The following PRICKLE2 variants were observed in gnomAD, a reference collection of about 807,000 sequenced individuals.
PRICKLE2 encodes the protein prickle-like protein 2.
A neutral mutation model predicts 81.4 loss-of-function variants in PRICKLE2; 21 were observed. The ratio of observed to expected loss-of-function variants is 0.26; its 90% confidence interval spans 0.18 to 0.37. PRICKLE2 has a LOEUF of 0.37. Among genes scored for constraint, PRICKLE2 ranks in the 10% least tolerant of loss-of-function variants. The pLI, the probability that PRICKLE2 is intolerant of heterozygous loss-of-function variation, is 1.00. For synonymous variants in PRICKLE2, 456 were observed against 421.5 expected (o/e 1.08, Z -1.00); for missense variants, 940 against 1,109.0 (o/e 0.85, Z 2.16).
chr3:64,202,125 G>A (rs2078593572), intron 1 of PRICKLE2, among the ~76,000 whole-genome samples: 1 of 152,188 alleles, frequency 6.6e-6, no homozygotes, highest in South Asian at 2.1e-4. Context: ...ACACTGTCTG[G>A]ATGACTGCAG....
At chr3:64,263,280 G>A (rs976412772) in intron 2 of PRICKLE2, among the ~76,000 whole-genome samples, 3 of 152,164 alleles carry the variant, frequency 2.0e-5, no homozygotes, top group South Asian at 2.1e-4. Flanking sequence ...ACTTGTACCC[G>A]AAGGAGAAAG....
intron 2 of PRICKLE2, chr3:64,163,339 T>A: frequency 1.6e-6 from 1 of 606,722 alleles, no homozygotes; most frequent in Non-Finnish European, 3.0e-6. Context: ...TATCTGGGAT[T>A]TTTCCCTCTC....
chr3:64,183,932 T>C (rs2078176936), intron 2 of PRICKLE2, among the ~76,000 whole-genome samples: 1 of 152,124 alleles, frequency 6.6e-6, no homozygotes, highest in Non-Finnish European at 1.5e-5. Context: ...AGTGGTATAT[T>C]AACTGCTCCC....
At chr3:64,255,750 C>A (rs370589800) in intron 2 of PRICKLE2, among the ~76,000 whole-genome samples, 107 of 152,328 alleles carry the variant, frequency 7.0e-4, no homozygotes, top group African/African-American at 2.5e-3. Flanking sequence ...CTTGAGTAAA[C>A]AACCGCATTT....
chr3:64,105,880 G>A (rs987348994), intron 7 of PRICKLE2: 1 of 152,188 alleles, frequency 6.6e-6, no homozygotes, highest in African/African-American at 2.4e-5. Context: ...CAGTAAGATG[G>A]GCATAATGAC....
At chr3:64,121,842 G>A (rs62249906) in intron 7 of PRICKLE2, among the ~76,000 whole-genome samples, 21,704 of 152,146 alleles carry the variant, frequency 0.14, 1,840 homozygotes, top group Non-Finnish European at 0.19. Flanking sequence ...TAGCAGAAAA[G>A]AATGACTGGC....
intron 7 of PRICKLE2, among the ~76,000 whole-genome samples, chr3:64,126,630 T>C (rs533132465): frequency 6.6e-6 from 1 of 152,226 alleles, no homozygotes; most frequent in East Asian, 1.9e-4. Context: ...CAGGCTGGAG[T>C]GCAGTTGCAT....
intron 7 of PRICKLE2, among the ~76,000 whole-genome samples, chr3:64,114,243 A>C (rs1222290065): frequency 1.3e-5 from 2 of 152,188 alleles, no homozygotes; most frequent in Non-Finnish European, 2.9e-5. Flanking sequence ...CAAAGATTGA[A>C]GGTAGATAAG....
chr3:64,113,443 C>T (rs1357729794), intron 7 of PRICKLE2, among the ~76,000 whole-genome samples: 1 of 152,136 alleles, frequency 6.6e-6, no homozygotes, highest in South Asian at 2.1e-4. Context: ...TGGGGGCCCA[C>T]AGCATAGCTT....
At chr3:64,116,781 G>A (rs1163642979) in intron 7 of PRICKLE2, among the ~76,000 whole-genome samples, 1 of 152,156 alleles carries the variant, frequency 6.6e-6, no homozygotes, top group Non-Finnish European at 1.5e-5. Context: ...AGAAGAGCTG[G>A]TATCATTCCT....
At chr3:64,208,547 G>C (rs183768568) in intron 1 of PRICKLE2, among the ~76,000 whole-genome samples, 2 of 152,326 alleles carry the variant, frequency 1.3e-5, no homozygotes, top group Admixed American at 6.5e-5. Context: ...CCAGGTGGCA[G>C]GTGTGACCTC....
At chr3:64,111,635 A>C (rs1322037990) in intron 7 of PRICKLE2, among the ~76,000 whole-genome samples, 1 of 152,208 alleles carries the variant, frequency 6.6e-6, no homozygotes, top group East Asian at 1.9e-4. Context: ...ACATGGATGA[A>C]TCTCATAAAG....
intron 2 of PRICKLE2, among the ~76,000 whole-genome samples, chr3:64,177,547 C>G (rs1438190353): frequency 6.6e-6 from 1 of 152,136 alleles, no homozygotes; most frequent in Non-Finnish European, 1.5e-5. Context: ...AACAGAAACT[C>G]TACACCAAAT....
At chr3:64,107,940 C>T (rs146934710) in intron 7 of PRICKLE2, among the ~76,000 whole-genome samples, 49 of 152,302 alleles carry the variant, frequency 3.2e-4, no homozygotes, top group African/African-American at 1.1e-3. Context: ...AGGGTCTTTC[C>T]TATATGATTT....
intron 4 of PRICKLE2, among the ~76,000 whole-genome samples, chr3:64,159,100 C>T (rs1374631672): frequency 1.3e-5 from 2 of 152,164 alleles, no homozygotes; most frequent in African/African-American, 4.8e-5. Flanking sequence ...CTCTTCTTCA[C>T]CACACCCTGA....
In PRICKLE2 at chr3:64,157,285, G is replaced by T; in HGVS notation, c.477C>A (p.Cys159Ter). ...GCTCATTGCAGACAGTGCATACGAA[G>T]CACGGCGGGTGCCAGCAAACGCCGT... is the stretch of plus-strand genomic sequence containing the variant. ...AGHGVCWHPP[C>*]FVCTVCNELL... Residue 159 changes from cysteine (C) to a stop codon, truncating the protein, a stop_gained, in exon 5 of 8, where the codon TGC (cysteine) becomes TGA (stop). Coordinates refer to ENST00000638394, the MANE Select transcript of PRICKLE2 (RefSeq NM_198859.4). LOFTEE classifies it high-confidence loss of function. The T allele has an allele frequency of 6.2e-7, 1 of 1,614,180 alleles. No homozygotes were observed. The highest frequency in any genetic ancestry group is 8.5e-7 in the Non-Finnish European group (1 of 1,180,028).
chr3:64,235,152 C>T (rs925810480), intron 2 of PRICKLE2, among the ~76,000 whole-genome samples: 3 of 152,190 alleles, frequency 2.0e-5, no homozygotes, highest in Non-Finnish European at 4.4e-5. Context: ...TTAAAATCTA[C>T]TCTTGAACCC....
intron 2 of PRICKLE2, among the ~76,000 whole-genome samples, chr3:64,188,761 C>T (rs1034889448): frequency 6.6e-6 from 1 of 152,166 alleles, no homozygotes; most frequent in Non-Finnish European, 1.5e-5. Flanking sequence ...ATGACCATGC[C>T]CATTTGTTCA....
At chr3:64,215,901 A>G (rs976310630) in intron 1 of PRICKLE2, among the ~76,000 whole-genome samples, 8 of 152,262 alleles carry the variant, frequency 5.3e-5, no homozygotes, top group Admixed American at 5.2e-4. Flanking sequence ...GGCCTAGCAC[A>G]CAGCAAATGT....
Sources: gnomAD v4.1 joint callset for allele counts (sites outside exome capture counted in the v4.1 genomes callset) on GRCh38, gnomAD v4.1.1 for gene constraint, MANE v1.5 for transcripts, NCBI Gene and HGNC (gene_info 2026-07-23, HGNC 2026-07-21) for gene names.